The following UPRT variants were observed in gnomAD, a reference collection of about 807,000 sequenced individuals.
The protein encoded by UPRT is RP11-311P8.3.
Under a neutral mutation model 22.6 loss-of-function variants are expected in UPRT, and 5 were observed. That is an observed-to-expected ratio of 0.22 (90% CI 0.12 to 0.47). The LOEUF (loss-of-function observed/expected upper bound fraction) is 0.47, where lower values mean the gene tolerates loss of function less well. Ranked by LOEUF, UPRT falls within the 20% of genes least tolerant of loss-of-function variation. The pLI is 0.99. For synonymous variants in UPRT, 77 were observed against 87.7 expected (o/e 0.88, Z 0.68); for missense variants, 181 against 239.9 (o/e 0.75, Z 1.62).
intron 4 of UPRT, among the ~76,000 whole-genome samples, chrX:75,227,379 G>T (rs1254834573): frequency 9.0e-6 from 1 of 111,413 alleles, no homozygotes; most frequent in Non-Finnish European, 1.9e-5. Flanking sequence ...TTATTACTTT[G>T]GTCAGAACTT....
intron 1 of UPRT, among the ~76,000 whole-genome samples, chrX:75,287,344 A>G (rs2082686388): frequency 9.0e-6 from 1 of 111,477 alleles, no homozygotes; most frequent in Non-Finnish European, 1.9e-5. Flanking sequence ...AAGATGGGAG[A>G]AGCTCCCCAT....
chrX:75,200,556 C>T (rs759855452), intron 4 of UPRT, among the ~76,000 whole-genome samples: 20 of 112,139 alleles, frequency 1.8e-4, no homozygotes, highest in Non-Finnish European at 3.2e-4. Flanking sequence ...ATTGCGTCAC[C>T]GCACCCCAGC....
At chrX:75,189,104 C>G (rs1484004173) in intron 4 of UPRT, among the ~76,000 whole-genome samples, 4 of 112,458 alleles carry the variant, frequency 3.6e-5, no homozygotes, top group Non-Finnish European at 5.6e-5. Context: ...TTCCTGCTTT[C>G]TCTTGTGGGC....
intron 1 of UPRT, among the ~76,000 whole-genome samples, chrX:75,159,880 G>A (rs1040290341): frequency 2.7e-4 from 28 of 104,295 alleles, no homozygotes; most frequent in Non-Finnish European, 4.9e-4. Context: ...GGGTTCAAGC[G>A]ATTCTCCTGC....
intron 3 of UPRT, among the ~76,000 whole-genome samples, chrX:75,164,434 A>C (rs1348820625): frequency 9.0e-6 from 1 of 111,640 alleles, no homozygotes; most frequent in East Asian, 2.8e-4. Flanking sequence ...CAAGACAGAA[A>C]TATTATCGAG....
chrX:75,169,392 A>G (rs1198226738), intron 4 of UPRT, among the ~76,000 whole-genome samples: 1 of 112,171 alleles, frequency 8.9e-6, no homozygotes, highest in Non-Finnish European at 1.9e-5. Context: ...CCAGCAGTGT[A>G]GAAGTGTTCC....
At chrX:75,204,907 TA>T (rs1436209792) in intron 4 of UPRT, among the ~76,000 whole-genome samples, 2 of 110,462 alleles carry the variant, frequency 1.8e-5, no homozygotes, top group African/African-American at 6.6e-5. Context: ...GGTGGGGACT[TA>T]GAGTATCCCA....
chrX:75,208,709 G>C (rs2082372897), intron 4 of UPRT, among the ~76,000 whole-genome samples: 1 of 111,358 alleles, frequency 9.0e-6, no homozygotes, highest in Admixed American at 9.5e-5. Context: ...ACAGGCTTGA[G>C]AATTTGAGCT....
At chrX:75,176,756 G>T (rs1023529228) in intron 4 of UPRT, among the ~76,000 whole-genome samples, 2 of 111,168 alleles carry the variant, frequency 1.8e-5, no homozygotes, top group Non-Finnish European at 3.8e-5. Flanking sequence ...TAAATTGCAA[G>T]CTTTGCATAG....
chrX:75,185,482 CT>C (rs2082286745), intron 4 of UPRT, among the ~76,000 whole-genome samples: 1 of 111,689 alleles, frequency 9.0e-6, no homozygotes, highest in South Asian at 3.7e-4. Context: ...CTAAAATTCT[CT>C]TTTTTGGTTG....
intron 4 of UPRT, among the ~76,000 whole-genome samples, chrX:75,236,811 A>C (rs1276621982): frequency 1.8e-5 from 2 of 112,567 alleles, no homozygotes; most frequent in Non-Finnish European, 3.7e-5. Context: ...AGATGGATTA[A>C]AGACTTAAAC....
intron 4 of UPRT, among the ~76,000 whole-genome samples, chrX:75,258,193 G>T (rs867344520): frequency 1.1e-4 from 9 of 79,886 alleles, no homozygotes; most frequent in Non-Finnish European, 1.4e-4. Flanking sequence ...AGCTGCAGGT[G>T]TTTTTTTTTT....
intron 4 of UPRT, among the ~76,000 whole-genome samples, chrX:75,212,831 A>G (rs900514810): frequency 7.1e-5 from 8 of 112,063 alleles, no homozygotes; most frequent in African/African-American, 2.6e-4. Flanking sequence ...TAGCTAATGT[A>G]TGCAGGGCTT....
At chrX:75,228,362 G>C (rs1316636763) in intron 4 of UPRT, among the ~76,000 whole-genome samples, 3 of 111,637 alleles carry the variant, frequency 2.7e-5, no homozygotes. Context: ...GTTACACCTT[G>C]TAACTCATGT....
rs568474934 is a variant in UPRT, at chrX:75,202,082, C to G, written c.-447+34203C>G. 8.1e-5 allele frequency among the ~76,000 whole-genome samples: 9 copies of G among 111,782 alleles called. No homozygotes were observed. In the South Asian group the frequency reaches 2.6e-3, roughly 32 times the overall value. On this transcript the variant is annotated intron_variant, in intron 4 of 13. Coordinates refer to the UPRT transcript ENST00000652605. ...AACAAAAGGAAGACCATGGGAAAAT[C>G]AATAAGTGAAGGTAAAATTAAAACT...
intron 4 of UPRT, among the ~76,000 whole-genome samples, chrX:75,251,324 G>A (rs990185830): frequency 3.6e-5 from 4 of 111,596 alleles, no homozygotes; most frequent in African/African-American, 9.8e-5. Context: ...GATCGTCTCA[G>A]CCCAAAATCT....
intron 4 of UPRT, among the ~76,000 whole-genome samples, chrX:75,189,795 G>T (rs1225253950): frequency 1.8e-5 from 2 of 111,632 alleles, no homozygotes; most frequent in Non-Finnish European, 3.8e-5. Flanking sequence ...TCAGAGACTA[G>T]TATTGCGACC....
chrX:75,237,814 G>T, intron 4 of UPRT, among the ~76,000 whole-genome samples: 1 of 69,997 alleles, frequency 1.4e-5, no homozygotes, highest in Non-Finnish European at 2.6e-5. Context: ...GGGGGGAGGG[G>T]GGAGGGATAG....
chrX:75,249,242 C>G (rs926345221), intron 4 of UPRT, among the ~76,000 whole-genome samples: 2 of 111,500 alleles, frequency 1.8e-5, no homozygotes, highest in African/African-American at 3.3e-5. Context: ...CTAAATGCTC[C>G]AATTAAAATG....
Sources: gnomAD v4.1 joint callset for allele counts (sites outside exome capture counted in the v4.1 genomes callset) on GRCh38, gnomAD v4.1.1 for gene constraint, MANE v1.5 for transcripts, NCBI Gene and HGNC (gene_info 2026-07-23, HGNC 2026-07-21) for gene names.